Variants in CAMSAP2 observed in about 807,000 individuals in gnomAD.
The protein encoded by CAMSAP2 is calmodulin-regulated spectrin-associated protein 2.
In CAMSAP2, 26 loss-of-function variants were observed where a neutral mutation model predicts 146.1. The observed-to-expected ratio is 0.18, with a 90% confidence interval of 0.13 to 0.25. CAMSAP2 has a LOEUF of 0.25. CAMSAP2 is among the 10% of genes least tolerant of loss of function. The pLI is 1.00. For synonymous variants in CAMSAP2, 499 were observed against 596.6 expected (o/e 0.84, Z 2.38); for missense variants, 1,381 against 1,759.3 (o/e 0.78, Z 3.85).
In CAMSAP2 at chr1:200,857,448, A is replaced by G; in HGVS notation, c.4131+24A>G. On this transcript the variant is annotated intron_variant, in intron 16 of 16. Coordinates refer to ENST00000358823, the MANE Select transcript of CAMSAP2 (RefSeq NM_203459.4). This position sits in a 1 kb window ranked among gnomAD's most constrained non-coding sequence, Gnocchi z 4.7. ...AGGTAAGCATGTTTGCATGAAAATT[A>G]AATTTGGCAAACTGTAGAAGTCTTT... The G allele has an allele frequency of 6.6e-7, 1 of 1,506,840 alleles. No individual in the cohort carries two copies. The highest frequency in any genetic ancestry group is 9.2e-7 in the Non-Finnish European group (1 of 1,083,108). 93.3% of individuals were successfully genotyped at this position (1,506,840 alleles called of 1,614,324 possible). A position where few individuals can be genotyped will look rare whatever the true frequency, so the allele number is the denominator to read the frequency against.
At chr1:200,747,728 C>T (rs759747241) in intron 1 of CAMSAP2, among the ~76,000 whole-genome samples, 7 of 151,742 alleles carry the variant, frequency 4.6e-5, no homozygotes, top group South Asian at 2.1e-4. Context: ...ATGGCTGTAG[C>T]GGCCGGGCGC....
rs1667527066 is a variant in CAMSAP2 at position 200,848,645 on chromosome 1, G to C, written c.1876G>C (p.Asp626His). 1.2e-6 allele frequency: 2 copies of C among 1,614,128 alleles called. No homozygotes were observed. The highest frequency in any genetic ancestry group is 1.7e-6 in the Non-Finnish European group (2 of 1,179,996). ...SEDIPETMDE[D>H]SSLRDYTVSL... ...AGATATTCCTGAAACTATGGACGAA[G>C]ATTCTTCGTTGAGAGATTATACTGT... The change falls in exon 11 of 17, where the codon GAT becomes CAT. Residue 626 changes from aspartate (D) to histidine (H), a missense_variant. Asp to His is a moderately conservative substitution (Grantham distance 81). Transcript: ENST00000358823.
intron 2 of CAMSAP2, among the ~76,000 whole-genome samples, chr1:200,775,657 G>A (rs540582494): frequency 6.6e-6 from 1 of 152,212 alleles, no homozygotes; most frequent in South Asian, 2.1e-4. Context: ...AGTCTCCCAA[G>A]TAGCTGGGAC....
chr1:200,849,009 C>G lies in CAMSAP2; in HGVS notation c.2240C>G (p.Ala747Gly). The change falls in exon 11 of 17, where the codon GCC becomes GGC. Residue 747 changes from alanine to glycine, a missense_variant. By Grantham distance (60) the Ala-to-Gly change is moderately conservative (BLOSUM62 0). Around this residue, in one of 4 missense-constraint regions of CAMSAP2, gnomAD observed 560 missense variants for 715.9 expected, o/e 0.78. Transcript: ENST00000358823. The surrounding 1 kb of genome is among the most constrained non-coding windows in gnomAD (Gnocchi z 6.3). ...PQGRDTTQLL[A>G]SEMVHLRMKL... ...GGACGGGACACTACCCAGCTGTTGG[C>G]CTCTGAAATGGTGCATCTTAGGATG... 1.2e-6 allele frequency: 2 copies of G among 1,614,046 alleles called. No individual in the cohort carries two copies. Among genetic ancestry groups the G allele is most frequent in the Non-Finnish European group, 1.7e-6 (2 of 1,179,984 alleles).
In CAMSAP2 at chr1:200,850,160, GA is replaced by G; in HGVS notation, c.3396del (p.Lys1132AsnfsTer35). The G allele has an allele frequency of 6.2e-7, 1 of 1,606,340 alleles. No homozygotes were observed. Among genetic ancestry groups the G allele is most frequent in the Admixed American group, 1.8e-5 (1 of 56,924 alleles). ...KPPEKADVPV[E>X]KYDGESDKEQ... ...CCCTGAAAAGGCTGATGTACCTGTTGAAAAATATGATGGAGAAAGTGATAAA... is the reference window on the plus strand; with the variant it reads ...CCCTGAAAAGGCTGATGTACCTGTTGAAAATATGATGGAGAAAGTGATAAA... On this transcript the variant is annotated frameshift_variant, in exon 11 of 17. Coordinates refer to ENST00000358823, the MANE Select transcript of CAMSAP2 (RefSeq NM_203459.4). LOFTEE classifies it high-confidence loss of function.
Position 200,860,578 on chromosome 1 carries a change from A to G in CAMSAP2, c.*2519A>G, listed in dbSNP as rs1046024. The G allele has an allele frequency of 6.6e-6, 1 of 152,184 alleles. No individual in the cohort carries two copies. The highest frequency in any genetic ancestry group is 6.5e-5 in the Admixed American group (1 of 15,272). 9.4% of individuals were successfully genotyped at this position (152,184 alleles called of 1,614,324 possible). A position where few individuals can be genotyped will look rare whatever the true frequency, so the allele number is the denominator to read the frequency against. ...CAGTGTATGGTGTGCTTACCTGTCC[A>G]CTCTAGAGCATTGCTTACAGGTTTT... On this transcript the variant is annotated 3_prime_UTR_variant, in exon 17 of 17. Transcript: ENST00000358823.
At position 200,832,662 on chromosome 1, in the gene CAMSAP2, C is replaced by T. The variant is rs1553291368; in HGVS notation, c.788-44C>T. 6.8e-7 allele frequency: 1 copy of T among 1,476,472 alleles called. No individual in the cohort carries two copies. The highest frequency in any genetic ancestry group is 9.1e-7 in the Non-Finnish European group (1 of 1,097,550). The allele number at this position is 1,476,472 out of a possible 1,614,324, so 91.5% of individuals were successfully genotyped here. Reference sequence around the variant, plus strand: ...AAGATGGATATGAAATATTTATTATCAAATTAATCCAAAGTCACCACCTTG... The same window carrying T: ...AAGATGGATATGAAATATTTATTATTAAATTAATCCAAAGTCACCACCTTG... On this transcript the variant is annotated intron_variant, in intron 5 of 16. Coordinates refer to ENST00000358823, the MANE Select transcript of CAMSAP2 (RefSeq NM_203459.4). This position sits in a 1 kb window ranked among gnomAD's most constrained non-coding sequence, Gnocchi z 4.2.
intron 2 of CAMSAP2, among the ~76,000 whole-genome samples, chr1:200,798,086 A>C (rs1368356734): frequency 6.7e-6 from 1 of 149,076 alleles, no homozygotes; most frequent in East Asian, 2.0e-4. Context: ...CTTGTAGTAT[A>C]GTTTGAAGTC....
chr1:200,809,900 G>C (rs1013798134), intron 3 of CAMSAP2, among the ~76,000 whole-genome samples: 5 of 152,130 alleles, frequency 3.3e-5, no homozygotes, highest in Non-Finnish European at 7.4e-5. Context: ...GCAGCACAGG[G>C]CATCATCACA....
intron 8 of CAMSAP2, among the ~76,000 whole-genome samples, chr1:200,845,938 T>G (rs1427804733): frequency 3.3e-5 from 5 of 152,170 alleles, no homozygotes; most frequent in Admixed American, 2.6e-4. Context: ...ATAGGGACAT[T>G]AGTTTGTTTA....
chr1:200,787,738 G>C (rs1665634098), intron 2 of CAMSAP2, among the ~76,000 whole-genome samples: 1 of 152,160 alleles, frequency 6.6e-6, no homozygotes, highest in South Asian at 2.1e-4. Flanking sequence ...ACATATTATA[G>C]AGAAATTTTT....
At chr1:200,827,983 T>C (rs16847242) in intron 4 of CAMSAP2, among the ~76,000 whole-genome samples, 10,642 of 152,230 alleles carry the variant, frequency 0.07, 429 homozygotes, top group East Asian at 0.14. Context: ...AGTTACTTGC[T>C]TTAGACACTT....
At chr1:200,796,222 A>G (rs1412205420) in intron 2 of CAMSAP2, among the ~76,000 whole-genome samples, 1 of 152,216 alleles carries the variant, frequency 6.6e-6, no homozygotes, top group Non-Finnish European at 1.5e-5. Flanking sequence ...CTTGTAGGTT[A>G]CTACTTAACT....
chr1:200,817,390 C>A (rs995555635), intron 4 of CAMSAP2, among the ~76,000 whole-genome samples: 1 of 151,922 alleles, frequency 6.6e-6, no homozygotes, highest in African/African-American at 2.4e-5. Context: ...GAATTTTCTT[C>A]TCTGAAAATT....
chr1:200,821,342 C>T (rs1666758013), intron 4 of CAMSAP2, among the ~76,000 whole-genome samples: 1 of 151,944 alleles, frequency 6.6e-6, no homozygotes. Context: ...GCCACCATGC[C>T]TATCTAATTT....
At chr1:200,789,748 A>G (rs1665695775) in intron 2 of CAMSAP2, among the ~76,000 whole-genome samples, 1 of 152,196 alleles carries the variant, frequency 6.6e-6, no homozygotes, top group Non-Finnish European at 1.5e-5. Flanking sequence ...TCAAGTTGGG[A>G]AAAACCGGTA....
intron 6 of CAMSAP2, among the ~76,000 whole-genome samples, chr1:200,836,555 A>G (rs955104586): frequency 8.1e-6 from 1 of 123,134 alleles, no homozygotes; most frequent in Non-Finnish European, 2.0e-5. Context: ...GTGAACATAC[A>G]CATGCATGTG....
chr1:200,751,333 C>T (rs536506643), intron 1 of CAMSAP2, among the ~76,000 whole-genome samples: 3 of 151,638 alleles, frequency 2.0e-5, no homozygotes, highest in African/African-American at 7.3e-5. Flanking sequence ...TGTATATCTC[C>T]TATAAAATGA....
At chr1:200,817,211 T>TAAGTGTGTGTGTATACACAC (rs1415827685) in intron 4 of CAMSAP2, among the ~76,000 whole-genome samples, 2 of 56,140 alleles carry the variant, frequency 3.6e-5, no homozygotes, top group African/African-American at 1.5e-4. Flanking sequence ...TATACACACA[T>TAAGTGTGTGTGTATACACAC]ACACACATAT....
Sources: allele counts gnomAD v4.1 joint callset (sites outside exome capture counted in the v4.1 genomes callset), GRCh38; gene constraint gnomAD v4.1.1; regional missense constraint gnomAD v4.1.1; non-coding constraint Gnocchi (gnomAD v3.1); transcripts MANE v1.5; gene names NCBI Gene and HGNC (gene_info 2026-07-23, HGNC 2026-07-21).